Variants in UGT1A8 observed in about 807,000 individuals in gnomAD.
UGT1A8 encodes the protein UDP-glucuronosyltransferase 1A8.
In UGT1A8, 39 loss-of-function variants were observed where a neutral mutation model predicts 45.3. The ratio of observed to expected loss-of-function variants is 0.86; its 90% CI spans 0.67 to 1.12. The LOEUF is 1.12. Among genes scored for constraint, UGT1A8 ranks in the 50% most tolerant of loss-of-function variants. UGT1A8 has a pLI of 0.00. For missense variants in UGT1A8, 719 were observed against 664.9 expected (o/e 1.08, Z -0.90); for synonymous variants, 275 against 249.2 (o/e 1.10, Z -0.97).
intron 1 of UGT1A8, among the ~76,000 whole-genome samples, chr2:233,724,066 G>GC (rs1225468925): frequency 2.7e-5 from 2 of 73,838 alleles, no homozygotes; most frequent in Non-Finnish European, 5.1e-5. Context: ...AGACGGGGTG[G>GC]TGGCCGGGCA....
In UGT1A8 at chr2:233,729,406, C is replaced by T. The variant is rs761312102; in HGVS notation, c.856-37628C>T. 2.5e-6 allele frequency: 4 copies of T among 1,613,662 alleles called. No individual in the cohort carries two copies. The East Asian group carries it at 6.7e-5, about 27-fold the overall frequency. ...CCAGGATGAATTTGATCGCCATGTG[C>T]TGGGCCACACTCAACTGTACTTTGA... On this transcript the variant is annotated intron_variant, in intron 1 of 4. Coordinates refer to ENST00000373450, the MANE Select transcript of UGT1A8 (RefSeq NM_019076.5).
chr2:233,685,426 T>C (rs944472894), intron 1 of UGT1A8, among the ~76,000 whole-genome samples: 7 of 151,650 alleles, frequency 4.6e-5, no homozygotes, highest in African/African-American at 1.7e-4. Flanking sequence ...AATCCAGTTA[T>C]AAAGAATTCG....
chr2:233,704,862 G>A (rs991681240), intron 1 of UGT1A8, among the ~76,000 whole-genome samples: 2 of 152,054 alleles, frequency 1.3e-5, no homozygotes, highest in Non-Finnish European at 2.9e-5. Flanking sequence ...GGCCGGGCAC[G>A]GTGGCTCACT....
chr2:233,636,709 A>G (rs148236957), intron 1 of UGT1A8: 2 of 1,613,984 alleles, frequency 1.2e-6, no homozygotes, highest in African/African-American at 2.7e-5. Flanking sequence ...GCCAGAGGTG[A>G]GTTGGCAACT....
intron 1 of UGT1A8, among the ~76,000 whole-genome samples, chr2:233,656,656 T>C (rs1482033653): frequency 6.6e-6 from 1 of 152,026 alleles, no homozygotes; most frequent in African/African-American, 2.4e-5. Flanking sequence ...CATCTCTATT[T>C]TAACACTAAA....
At chr2:233,666,083 C>G (rs568328221) in intron 1 of UGT1A8, among the ~76,000 whole-genome samples, 18 of 152,346 alleles carry the variant, frequency 1.2e-4, no homozygotes, top group Non-Finnish European at 2.2e-4. Flanking sequence ...GCGAGAGACT[C>G]AGGCTACTTC....
At chr2:233,755,114 G>A (rs761865052) in intron 1 of UGT1A8, 3 of 1,331,932 alleles carry the variant, frequency 2.3e-6, no homozygotes, top group South Asian at 2.3e-5. Context: ...ACACCTCGTA[G>A]GCCTCAGCCA....
chr2:233,684,227 C>T (rs754642033), intron 1 of UGT1A8, among the ~76,000 whole-genome samples: 7 of 152,108 alleles, frequency 4.6e-5, no homozygotes, highest in East Asian at 1.9e-4. Flanking sequence ...TGCAACCAAG[C>T]GCTTTCTAAA....
chr2:233,729,663 T>C (rs137893400), intron 1 of UGT1A8: 1,316 of 1,613,944 alleles, frequency 8.2e-4, no homozygotes, highest in Non-Finnish European at 1.0e-3. Context: ...TTCCATGTGA[T>C]TTAGACTTTA....
At chr2:233,684,775 C>T (rs2074700637) in intron 1 of UGT1A8, among the ~76,000 whole-genome samples, 1 of 151,736 alleles carries the variant, frequency 6.6e-6, no homozygotes, top group Non-Finnish European at 1.5e-5. Flanking sequence ...TAAAGAGTGC[C>T]CTTTGGCAAA....
intron 1 of UGT1A8, among the ~76,000 whole-genome samples, chr2:233,739,549 T>C (rs1346005869): frequency 6.6e-6 from 1 of 152,244 alleles, no homozygotes; most frequent in Non-Finnish European, 1.5e-5. Context: ...AGCTTTAAGA[T>C]TTAATGACTG....
intron 4 of UGT1A8, chr2:233,770,954 G>C (rs1038327841): frequency 2.6e-5 from 4 of 152,166 alleles, no homozygotes; most frequent in African/African-American, 9.7e-5. Flanking sequence ...ACCTCAGGGA[G>C]CTTTTACTCA....
At position 233,672,458 on chromosome 2, in the gene UGT1A8, A is replaced by G. The variant is rs754827067; in HGVS notation, c.855+53896A>G. The G allele has an allele frequency of 2.0e-5, 32 of 1,613,800 alleles. No individual in the cohort carries two copies. In the South Asian group the frequency reaches 3.2e-4, roughly 16 times the overall value. ...GTCTTCGCCAGGGGAATACTTTGCC[A>G]CTATCTTGAAGAAGGTGCACAGTGC... On this transcript the variant is annotated intron_variant, in intron 1 of 4. Transcript: ENST00000373450.
chr2:233,673,037 T>C (rs1438037176), intron 1 of UGT1A8, among the ~76,000 whole-genome samples: 1 of 152,216 alleles, frequency 6.6e-6, no homozygotes, highest in Non-Finnish European at 1.5e-5. Context: ...TTAAGTACCA[T>C]GTTTAGAAAA....
intron 1 of UGT1A8, among the ~76,000 whole-genome samples, chr2:233,720,373 A>G (rs1230236901): frequency 1.3e-5 from 2 of 152,118 alleles, no homozygotes; most frequent in Non-Finnish European, 2.9e-5. Flanking sequence ...AGGGTCTTCT[A>G]CTTGGAATGC....
intron 1 of UGT1A8, chr2:233,754,930 G>A (rs1387383656): frequency 5.9e-6 from 8 of 1,344,668 alleles, no homozygotes; most frequent in Non-Finnish European, 8.0e-6. Flanking sequence ...TTTCCCAAGA[G>A]GTCAAAGGAG....
At chr2:233,737,662 C>A (rs972377767) in intron 1 of UGT1A8, among the ~76,000 whole-genome samples, 3 of 152,186 alleles carry the variant, frequency 2.0e-5, no homozygotes, top group African/African-American at 7.2e-5. Context: ...AGCTGCAGAT[C>A]GGAGCTGTTC....
At chr2:233,682,254 T>A in intron 1 of UGT1A8, 2 of 1,614,188 alleles carry the variant, frequency 1.2e-6, no homozygotes, top group South Asian at 1.1e-5. Flanking sequence ...CGAAGTGCAT[T>A]TTCTCTATTA....
At chr2:233,700,796 T>C (rs2075587558) in intron 1 of UGT1A8, among the ~76,000 whole-genome samples, 1 of 152,174 alleles carries the variant, frequency 6.6e-6, no homozygotes, top group Non-Finnish European at 1.5e-5. Context: ...TATGTATACA[T>C]GTGCCATGTT....
Sources: gnomAD v4.1 joint callset for allele counts (sites outside exome capture counted in the v4.1 genomes callset) on GRCh38, gnomAD v4.1.1 for gene constraint, MANE v1.5 for transcripts, NCBI Gene and HGNC (gene_info 2026-07-23, HGNC 2026-07-21) for gene names.